CSMD3: variants seen among roughly 807,000 people sequenced by gnomAD.
The protein encoded by CSMD3 is CUB and Sushi multiple domains 3, also known as CUB and sushi domain-containing protein 3.
Under a neutral mutation model 435.2 loss-of-function variants are expected in CSMD3, and 177 were observed. That is an observed-to-expected ratio of 0.41 (90% CI 0.36 to 0.46). CSMD3 has a LOEUF of 0.46. Among genes scored for constraint, CSMD3 ranks in the 20% least tolerant of loss-of-function variants. The pLI, the probability that CSMD3 is intolerant of heterozygous loss-of-function variation, is 0.34. For synonymous variants in CSMD3, 1,656 were observed against 1,520.5 expected (o/e 1.09, Z -2.07); for missense variants, 4,265 against 4,504.6 (o/e 0.95, Z 1.52).
At chr8:113,140,257 A>G (rs912716003) in intron 4 of CSMD3, among the ~76,000 whole-genome samples, 1 of 150,952 alleles carries the variant, frequency 6.6e-6, no homozygotes, top group African/African-American at 2.4e-5. Context: ...TTTGTGTGTA[A>G]AGCAAAAACT....
intron 61 of CSMD3, among the ~76,000 whole-genome samples, chr8:112,258,280 G>C (rs1816004248): frequency 6.6e-6 from 1 of 152,124 alleles, no homozygotes; most frequent in Non-Finnish European, 1.5e-5. Context: ...TTTGACAAAT[G>C]GGATCTAATT....
intron 3 of CSMD3, among the ~76,000 whole-genome samples, chr8:113,236,750 G>A (rs1019329406): frequency 1.3e-5 from 2 of 152,026 alleles, no homozygotes; most frequent in South Asian, 2.1e-4. Context: ...CCTGTTGTGG[G>A]ACTTCTCACC....
At chr8:113,405,623 G>T (rs114369155) in intron 1 of CSMD3, among the ~76,000 whole-genome samples, 1 of 151,680 alleles carries the variant, frequency 6.6e-6, no homozygotes, top group Non-Finnish European at 1.5e-5. Flanking sequence ...AGGGAAGAAA[G>T]TAATTTCAAG....
chr8:113,325,413 T>C (rs890405140), intron 1 of CSMD3, among the ~76,000 whole-genome samples: 1 of 152,276 alleles, frequency 6.6e-6, no homozygotes, highest in East Asian at 1.9e-4. Flanking sequence ...GCAGTTTATC[T>C]GCATAAACTC....
intron 11 of CSMD3, 64 bp downstream of exon 11, chr8:112,859,081 A>C: frequency 1.3e-6 from 2 of 1,488,996 alleles, no homozygotes. Context: ...GTTCCGTATT[A>C]TTTCTTTGCC....
intron 1 of CSMD3, among the ~76,000 whole-genome samples, chr8:113,367,919 T>A (rs1460118530): frequency 6.6e-6 from 1 of 152,100 alleles, no homozygotes; most frequent in Non-Finnish European, 1.5e-5. Flanking sequence ...ATCTAAATTA[T>A]TTTATTTATT....
rs555604264 is a variant in CSMD3, at chr8:113,394,397, G to A, written c.178+42280C>T. ...ATACATATTAACTTTCTATACCTTAGAACAAAATTTAGAAAATACCAAGTT... is the reference window on the plus strand; with the variant it reads ...ATACATATTAACTTTCTATACCTTAAAACAAAATTTAGAAAATACCAAGTT... On this transcript the variant is annotated intron_variant, in intron 1 of 70. Coordinates refer to ENST00000297405, the MANE Select transcript of CSMD3 (RefSeq NM_198123.2). Among the ~76,000 whole-genome samples, 19 of 151,882 alleles carry A rather than the reference G, an allele frequency of 1.3e-4. No homozygotes were observed. In the South Asian group the frequency reaches 4.0e-3, roughly 32 times the overall value.
In CSMD3 at chr8:112,875,264, G is replaced by A. The variant is rs574276445; in HGVS notation, c.1634-15998C>T. Among the ~76,000 whole-genome samples the A allele has an allele frequency of 4.6e-5, 7 of 152,304 alleles. No homozygotes were observed. In the East Asian group the frequency reaches 1.2e-3, roughly 25 times the overall value. ...ATTGGCCCCCACTTTCTTCTGGCTT[G>A]TAGGGTTTCTGCAGAGAGTTCCACC... On this transcript the variant is annotated intron_variant, in intron 10 of 70. Coordinates refer to ENST00000297405, the MANE Select transcript of CSMD3 (RefSeq NM_198123.2).
intron 4 of CSMD3, among the ~76,000 whole-genome samples, chr8:113,116,606 T>C (rs1289027569): frequency 4.6e-5 from 7 of 152,232 alleles, no homozygotes; most frequent in South Asian, 4.1e-4. Flanking sequence ...TGGAACTGGG[T>C]AAATGGCAGA....
chr8:112,878,952 G>C (rs1228692100), intron 10 of CSMD3, among the ~76,000 whole-genome samples: 1 of 152,068 alleles, frequency 6.6e-6, no homozygotes, highest in Non-Finnish European at 1.5e-5. Flanking sequence ...GTCACCTCAG[G>C]ACCCTGTGAT....
intron 25 of CSMD3, among the ~76,000 whole-genome samples, chr8:112,553,410 A>G (rs1827852206): frequency 6.6e-6 from 1 of 152,054 alleles, no homozygotes; most frequent in Admixed American, 6.6e-5. Flanking sequence ...TGATAACTGG[A>G]GTGATTTTAC....
chr8:113,320,583 C>T (rs947447207), intron 1 of CSMD3, among the ~76,000 whole-genome samples: 1 of 152,110 alleles, frequency 6.6e-6, no homozygotes, highest in African/African-American at 2.4e-5. Context: ...TGACATGACT[C>T]TTGCAAAAAT....
intron 12 of CSMD3, among the ~76,000 whole-genome samples, chr8:112,807,488 ATAGGTAGGTAGG>A (rs34951713): frequency 0.032 from 4,181 of 129,212 alleles, 112 homozygotes; most frequent in African/African-American, 0.075. Context: ...GCAATTCTTG[ATAGGTAGGTAGG>A]TAGGTAGGTA....
At chr8:112,267,879 C>A (rs1817099335) in intron 59 of CSMD3, among the ~76,000 whole-genome samples, 1 of 151,946 alleles carries the variant, frequency 6.6e-6, no homozygotes, top group African/African-American at 2.4e-5. Flanking sequence ...TCTTTGTAAA[C>A]AGCACCTGCT....
chr8:112,967,423 GGT>G (rs1228163458), intron 7 of CSMD3, among the ~76,000 whole-genome samples: 1 of 151,700 alleles, frequency 6.6e-6, no homozygotes, highest in Non-Finnish European at 1.5e-5. Flanking sequence ...CTCTCCTCCT[GGT>G]GCACTGAGTA....
intron 67 of CSMD3, among the ~76,000 whole-genome samples, chr8:112,236,223 A>G (rs538857955): frequency 1.3e-5 from 2 of 152,036 alleles, no homozygotes; most frequent in South Asian, 2.1e-4. Flanking sequence ...TTTCATTATT[A>G]ATATTTATAT....
At chr8:113,013,114 C>G (rs1367098541) in intron 6 of CSMD3, among the ~76,000 whole-genome samples, 1 of 151,882 alleles carries the variant, frequency 6.6e-6, no homozygotes, top group African/African-American at 2.4e-5. Flanking sequence ...TATTTTTAAG[C>G]CTGGACTATA....
chr8:112,977,668 A>G (rs1479759701), intron 6 of CSMD3, among the ~76,000 whole-genome samples: 1 of 152,090 alleles, frequency 6.6e-6, no homozygotes, highest in Non-Finnish European at 1.5e-5. Flanking sequence ...CAGAAGTATT[A>G]AATGATTTTT....
chr8:113,071,182 T>G (rs376297823), intron 5 of CSMD3, among the ~76,000 whole-genome samples: 4 of 152,144 alleles, frequency 2.6e-5, no homozygotes, highest in African/African-American at 9.6e-5. Flanking sequence ...TGTTTTTGTT[T>G]TAGTTTTGCT....
Sources: allele counts gnomAD v4.1 joint callset (sites outside exome capture counted in the v4.1 genomes callset), GRCh38; gene constraint gnomAD v4.1.1; transcripts MANE v1.5; gene names NCBI Gene and HGNC (gene_info 2026-07-23, HGNC 2026-07-21).